Variants in ZNF469 observed in about 807,000 individuals in gnomAD.
The protein encoded by ZNF469 is zinc finger protein 469.
Under a neutral mutation model 1.0 loss-of-function variants are expected in ZNF469, and 1 was observed. The observed-to-expected ratio is 1.00, with a 90% confidence interval of 0.35 to 4.73. ZNF469 has a LOEUF of 4.73. Among genes scored for constraint, ZNF469 ranks in the 30% most tolerant of loss-of-function variants. The pLI, the probability that ZNF469 is intolerant of heterozygous loss-of-function variation, is 0.16. For missense variants in ZNF469, 6,100 were observed against 5,356.3 expected (o/e 1.14, Z -4.33); for synonymous variants, 2,703 against 2,363.4 (o/e 1.14, Z -4.17).
In ZNF469 at chr16:88,427,838, G is replaced by C. The variant is rs1905794954; in HGVS notation, c.368G>C (p.Gly123Ala). 1 of 1,549,022 alleles carries C rather than the reference G, an allele frequency of 6.5e-7. No individual in the cohort carries two copies. Among genetic ancestry groups the C allele is most frequent in the Non-Finnish European group, 8.7e-7 (1 of 1,146,798 alleles). ...EGSPPQRYIL[G>A]IASSRTKPTL... ...AGCCCCCCACAGCGCTACATTCTGG[G>C]CATCGCCAGCTCGAGGACCAAGCCC... Residue 123 changes from glycine (G) to alanine (A), a missense_variant, in exon 3 of 3, where the codon GGC becomes GCC. Gly to Ala is a moderately conservative substitution (Grantham distance 60). Coordinates refer to ENST00000565624, the MANE Select transcript of ZNF469 (RefSeq NM_001367624.2).
the ZNF469 span, among the ~76,000 whole-genome samples, chr16:88,193,069 GTGGTGGTGGTGA>G: frequency 8.4e-4 from 109 of 129,462 alleles, 1 homozygote; most frequent in African/African-American, 2.9e-3. Context: ...GGTGGTGATG[GTGGTGGTGGTGA>G]TGGTGGTGGT....
the ZNF469 span, among the ~76,000 whole-genome samples, chr16:88,208,801 ACACTCTCTCTCTCT>A: frequency 0.019 from 393 of 20,202 alleles, 2 homozygotes; most frequent in Non-Finnish European, 0.041. Flanking sequence ...ACACACACAC[ACACTCTCTCTCTCT>A]CTCTCTCTCT....
At chr16:88,268,408 G>A in the ZNF469 span, among the ~76,000 whole-genome samples, 3 of 152,122 alleles carry the variant, frequency 2.0e-5, no homozygotes, top group South Asian at 2.1e-4. Context: ...CCAGGACCCC[G>A]TGTGACACTC....
the ZNF469 span, among the ~76,000 whole-genome samples, chr16:88,302,213 C>G: frequency 3.3e-5 from 5 of 152,164 alleles, no homozygotes; most frequent in Non-Finnish European, 2.9e-5. Context: ...GGTTACCTGC[C>G]GTCTGACCCG....
chr16:88,400,590 C>A (rs1268289851), intron 1 of ZNF469, among the ~76,000 whole-genome samples: 1 of 152,136 alleles, frequency 6.6e-6, no homozygotes, highest in Non-Finnish European at 1.5e-5. Context: ...CACATCAGTC[C>A]CTCCTCTCAG....
Position 88,424,606 on chromosome 16 carries a change from T to C in ZNF469, c.-191-201T>C, listed in dbSNP as rs762449019. ...CAGGTGACCCCTAAACCCTTCAGGG[T>C]CCCCCGGGCCAGCTGAGCTGCCCGC... is the stretch of plus-strand genomic sequence containing the variant. On this transcript the variant is annotated intron_variant, in intron 1 of 2. Transcript: ENST00000565624. The surrounding 1 kb of genome is among the most constrained non-coding windows in gnomAD (Gnocchi z 4.3). Among the ~76,000 whole-genome samples the C allele has an allele frequency of 4.6e-5, 7 of 151,616 alleles. No homozygotes were observed. Among genetic ancestry groups the C allele is most frequent in the Non-Finnish European group, 1.0e-4 (7 of 67,854 alleles).
At chr16:88,113,614 T>G in the ZNF469 span, among the ~76,000 whole-genome samples, 1 of 152,260 alleles carries the variant, frequency 6.6e-6, no homozygotes, top group Admixed American at 6.5e-5. Context: ...CTCAGTTACC[T>G]CCGCAGACTG....
the ZNF469 span, among the ~76,000 whole-genome samples, chr16:88,227,340 G>A: frequency 6.6e-6 from 1 of 152,154 alleles, no homozygotes; most frequent in African/African-American, 2.4e-5. Context: ...AAGGAGGCCG[G>A]GAGGACCCGT....
chr16:88,422,281 A>ATGGATGGATGGATGGATGG (rs1567506436), intron 1 of ZNF469, among the ~76,000 whole-genome samples: 4 of 121,790 alleles, frequency 3.3e-5, no homozygotes, highest in Non-Finnish European at 5.0e-5. Flanking sequence ...ATAGGTGGGT[A>ATGGATGGATGGATGGATGG]ATGGATGGAT....
the ZNF469 span, among the ~76,000 whole-genome samples, chr16:88,156,247 AATTTATTT>A: frequency 2.0e-5 from 3 of 152,156 alleles, no homozygotes; most frequent in Middle Eastern, 3.4e-3. Context: ...ATCTTGATGC[AATTTATTT>A]ATTTGTTCTT....
the ZNF469 span, among the ~76,000 whole-genome samples, chr16:88,144,533 C>T: frequency 1.4e-4 from 21 of 152,324 alleles, 1 homozygote; most frequent in Admixed American, 1.2e-3. Flanking sequence ...CTTTGAGGCA[C>T]ATTTTTCTAT....
chr16:88,386,179 C>T (rs368927251), intron 1 of ZNF469, among the ~76,000 whole-genome samples: 420 of 152,262 alleles, frequency 2.8e-3, no homozygotes, highest in Non-Finnish European at 3.8e-3. Context: ...TGCTTTGGTT[C>T]ATTCTAGACC....
At chr16:88,107,562 C>T in the ZNF469 span, among the ~76,000 whole-genome samples, 2 of 152,352 alleles carry the variant, frequency 1.3e-5, no homozygotes, top group South Asian at 4.1e-4. Flanking sequence ...GACACAGAAA[C>T]TGACCATGCC....
chr16:88,367,403 T>C, the ZNF469 span, among the ~76,000 whole-genome samples: 5 of 152,218 alleles, frequency 3.3e-5, no homozygotes, highest in Non-Finnish European at 7.3e-5. Flanking sequence ...GATTAGCATG[T>C]GATGTGACTG....
At chr16:88,327,736 G>T in the ZNF469 span, among the ~76,000 whole-genome samples, 1 of 152,168 alleles carries the variant, frequency 6.6e-6, no homozygotes, top group Non-Finnish European at 1.5e-5. Context: ...GGGCAGCCTG[G>T]GCTCCATGCT....
At chr16:88,296,216 G>A in the ZNF469 span, among the ~76,000 whole-genome samples, 1 of 152,214 alleles carries the variant, frequency 6.6e-6, no homozygotes. Context: ...CCAGACTCCA[G>A]ATGCCTGGGA....
chr16:88,391,730 T>C (rs1904497545), intron 1 of ZNF469, among the ~76,000 whole-genome samples: 1 of 152,234 alleles, frequency 6.6e-6, no homozygotes, highest in Non-Finnish European at 1.5e-5. Context: ...GACAGGCTTA[T>C]GGCGGCCACA....
At chr16:88,261,086 C>A in the ZNF469 span, among the ~76,000 whole-genome samples, 1 of 151,978 alleles carries the variant, frequency 6.6e-6, no homozygotes, top group Non-Finnish European at 1.5e-5. The surrounding 1 kb of genome is among the most constrained non-coding windows in gnomAD (Gnocchi z 6.0). Context: ...AGCTGGGATG[C>A]GGTCCGGAGA....
the ZNF469 span, among the ~76,000 whole-genome samples, chr16:88,121,557 C>G: frequency 6.6e-6 from 1 of 152,192 alleles, no homozygotes; most frequent in South Asian, 2.1e-4. Context: ...ACGTCACAAC[C>G]CCGGCTCACA....
Sources: allele counts gnomAD v4.1 joint callset (sites outside exome capture counted in the v4.1 genomes callset), GRCh38; gene constraint gnomAD v4.1.1; non-coding constraint Gnocchi (gnomAD v3.1); transcripts MANE v1.5; gene names NCBI Gene and HGNC (gene_info 2026-07-23, HGNC 2026-07-21).